GPR137C: variants seen among roughly 807,000 people sequenced by gnomAD.
GPR137C encodes G protein-coupled receptor 137C.
In GPR137C, 27 loss-of-function variants were observed where a neutral mutation model predicts 43.4. The observed-to-expected ratio is 0.62, with a 90% confidence interval of 0.46 to 0.86. GPR137C has a LOEUF of 0.86. GPR137C is among the 40% of genes least tolerant of loss of function. The probability of loss-of-function intolerance (pLI) is 0.00; values close to 1 mark genes in which losing one functional copy is unlikely to be tolerated. For missense variants in GPR137C, 522 were observed against 534.6 expected (o/e 0.98, Z 0.23); for synonymous variants, 285 against 226.9 (o/e 1.26, Z -2.30).
Position 52,598,275 on chromosome 14 carries a change from A to T in GPR137C, c.448A>T (p.Ile150Leu), listed in dbSNP as rs776348753. The T allele has an allele frequency of 4.3e-5, 57 of 1,339,092 alleles. No homozygotes were observed. The highest frequency in any genetic ancestry group is 1.8e-5 in the Non-Finnish European group (18 of 975,958). The allele number at this position is 1,339,092 out of a possible 1,614,324, so 83.0% of individuals were successfully genotyped here. Reference sequence around the variant, plus strand: ...TTTTTTTATATTCTCTTTATAGGTTATATGTAAAGTCAGATGTGCCACTGA... The same window carrying T: ...TTTTTTTATATTCTCTTTATAGGTTTTATGTAAAGTCAGATGTGCCACTGA... ...CLLNLYLAEVICKVRCATELD... is the reference protein window; with the variant it reads ...CLLNLYLAEVLCKVRCATELD... Residue 150 changes from isoleucine to leucine, a missense_variant, in exon 2 of 7, where the codon ATA becomes TTA. By Grantham distance (5) the Ile-to-Leu change is conservative. Around this residue, in one of 3 missense-constraint regions of GPR137C, gnomAD observed 437 missense variants for 425.7 expected, o/e 1.03. Transcript: ENST00000321662.
At chr14:52,571,675 A>G (rs894758229) in intron 1 of GPR137C, among the ~76,000 whole-genome samples, 1 of 152,098 alleles carries the variant, frequency 6.6e-6, no homozygotes, top group Admixed American at 6.6e-5. Flanking sequence ...TCTCAAAAAT[A>G]TTAATAACAA....
intron 1 of GPR137C, among the ~76,000 whole-genome samples, chr14:52,589,581 A>G (rs1029215522): frequency 2.6e-5 from 4 of 152,192 alleles, no homozygotes; most frequent in Non-Finnish European, 5.9e-5. Context: ...ACTTAATATA[A>G]GTAGTACAGT....
At chr14:52,570,883 A>G (rs749044435) in intron 1 of GPR137C, among the ~76,000 whole-genome samples, 10 of 152,180 alleles carry the variant, frequency 6.6e-5, no homozygotes, top group Non-Finnish European at 1.3e-4. Flanking sequence ...CCCACACAAT[A>G]ATAGTGGGAG....
chr14:52,574,890 C>A (rs1404081188), intron 1 of GPR137C, among the ~76,000 whole-genome samples: 2 of 152,180 alleles, frequency 1.3e-5, no homozygotes, highest in African/African-American at 4.8e-5. Context: ...CTTCCTAGCT[C>A]AAAAAGCATG....
At chr14:52,616,828 T>C (rs533537979) in intron 3 of GPR137C, among the ~76,000 whole-genome samples, 2 of 152,344 alleles carry the variant, frequency 1.3e-5, no homozygotes, top group East Asian at 3.9e-4. Flanking sequence ...ATCCAGATCA[T>C]TGAAGTTTTG....
chr14:52,592,239 A>T (rs112229020), intron 1 of GPR137C, among the ~76,000 whole-genome samples: 275 of 152,282 alleles, frequency 1.8e-3, no homozygotes, highest in African/African-American at 6.4e-3. Flanking sequence ...CTTATAGTAT[A>T]GTTTGAAGTC....
intron 1 of GPR137C, among the ~76,000 whole-genome samples, chr14:52,575,728 G>A (rs1193564004): frequency 6.6e-6 from 1 of 152,178 alleles, no homozygotes. Flanking sequence ...ATCCCTATGA[G>A]CCTTGAATTA....
chr14:52,581,911 A>G (rs931113990), intron 1 of GPR137C, among the ~76,000 whole-genome samples: 1 of 152,254 alleles, frequency 6.6e-6, no homozygotes, highest in Non-Finnish European at 1.5e-5. Flanking sequence ...CATTTGTTCT[A>G]TAAGTATTTC....
At chr14:52,604,423 TG>T (rs1352576216) in intron 3 of GPR137C, among the ~76,000 whole-genome samples, 9 of 151,948 alleles carry the variant, frequency 5.9e-5, no homozygotes, top group Admixed American at 4.6e-4. Context: ...AATCCATTTT[TG>T]TAGATGGTGA....
intron 1 of GPR137C, among the ~76,000 whole-genome samples, chr14:52,565,463 A>T (rs1303809677): frequency 6.6e-6 from 1 of 152,230 alleles, no homozygotes; most frequent in Non-Finnish European, 1.5e-5. Context: ...ATGTGTAGAA[A>T]GTACCATATT....
chr14:52,615,071 A>G (rs964753857), intron 3 of GPR137C, among the ~76,000 whole-genome samples: 2 of 152,306 alleles, frequency 1.3e-5, no homozygotes, highest in African/African-American at 4.8e-5. Flanking sequence ...AAGTAGTAGT[A>G]GTTTCATAAT....
intron 1 of GPR137C, among the ~76,000 whole-genome samples, chr14:52,573,632 C>T (rs1050737352): frequency 1.1e-4 from 17 of 152,050 alleles, no homozygotes; most frequent in African/African-American, 3.6e-4. Flanking sequence ...AGAAGAAAAC[C>T]TAGGCAATAC....
chr14:52,586,499 C>T (rs1017331812), intron 1 of GPR137C, among the ~76,000 whole-genome samples: 4 of 152,194 alleles, frequency 2.6e-5, no homozygotes, highest in East Asian at 1.9e-4. Flanking sequence ...ATTTTAACAA[C>T]GGCTCTACTT....
chr14:52,599,450 T>A (rs1476837344), intron 2 of GPR137C, among the ~76,000 whole-genome samples: 1 of 143,994 alleles, frequency 6.9e-6, no homozygotes, highest in East Asian at 2.2e-4. Context: ...TTTTTTTTTT[T>A]ATTGATACAG....
intron 3 of GPR137C, among the ~76,000 whole-genome samples, chr14:52,627,451 A>T (rs764020415): frequency 2.6e-5 from 4 of 152,232 alleles, no homozygotes; most frequent in Non-Finnish European, 4.4e-5. Flanking sequence ...ACCAAGTGGT[A>T]TACAGCTTTT....
chr14:52,592,449 C>T (rs535281972), intron 1 of GPR137C, among the ~76,000 whole-genome samples: 1 of 152,270 alleles, frequency 6.6e-6, no homozygotes, highest in Non-Finnish European at 1.5e-5. Context: ...GATACTGCTT[C>T]TTCCTATCCA....
intron 3 of GPR137C, among the ~76,000 whole-genome samples, chr14:52,618,424 G>A (rs1316627824): frequency 6.6e-6 from 1 of 151,996 alleles, no homozygotes; most frequent in African/African-American, 2.4e-5. Context: ...CACTAACTTA[G>A]GCAAAGTTTT....
chr14:52,552,875 TGA>T lies in GPR137C; in HGVS notation c.-272_-271del. Among the ~76,000 whole-genome samples the T allele has an allele frequency of 1.3e-5, 2 of 151,546 alleles. 1 individual carries two copies. The highest frequency in any genetic ancestry group is 4.1e-4 in the South Asian group (2 of 4,820). On this transcript the variant is annotated 5_prime_UTR_variant, in exon 1 of 7. The change abolishes the stop of an existing upstream ORF in the 5' untranslated region. Transcript: ENST00000321662. ...GCCTCAAATGCTCGGGTTTCTCAGC[TGA>T]TTGTCTCCAGCCGAGAGTTGTTTTT...
chr14:52,576,028 C>A (rs2038545938), intron 1 of GPR137C, among the ~76,000 whole-genome samples: 1 of 152,156 alleles, frequency 6.6e-6, no homozygotes, highest in East Asian at 1.9e-4. Context: ...ACATGGCTGA[C>A]TTTACTCAGT....
Sources: gnomAD v4.1 joint callset for allele counts (sites outside exome capture counted in the v4.1 genomes callset) on GRCh38, gnomAD v4.1.1 for gene constraint, gnomAD v4.1.1 regional missense constraint, MANE v1.5 for transcripts, NCBI Gene and HGNC (gene_info 2026-07-23, HGNC 2026-07-21) for gene names.